KCNQ5: variants seen among roughly 807,000 people sequenced by gnomAD.
KCNQ5 encodes the protein potassium voltage-gated channel subfamily Q member 5.
A neutral mutation model predicts 98.2 loss-of-function variants in KCNQ5; 30 were observed. The ratio of observed to expected loss-of-function variants is 0.31; its 90% CI spans 0.23 to 0.41. KCNQ5 has a LOEUF of 0.41. Ranked by LOEUF, KCNQ5 falls within the 10% of genes least tolerant of loss-of-function variation. The probability of loss-of-function intolerance (pLI) is 1.00; values close to 1 mark genes in which losing one functional copy is unlikely to be tolerated. For synonymous variants in KCNQ5, 458 were observed against 449.4 expected, an observed-to-expected ratio of 1.02 and a Z score of -0.24; for missense variants, 835 against 1,182.5, an observed-to-expected ratio of 0.71 and a Z score of 4.31.
At chr6:72,722,260 C>T (rs1462089106) in intron 1 of KCNQ5, among the ~76,000 whole-genome samples, 2 of 152,196 alleles carry the variant, frequency 1.3e-5, no homozygotes, top group African/African-American at 4.8e-5. Flanking sequence ...CCCTTTGCTC[C>T]ACTCTGTCCA....
intron 1 of KCNQ5, among the ~76,000 whole-genome samples, chr6:72,811,817 G>T (rs1192923253): frequency 6.6e-6 from 1 of 152,194 alleles, no homozygotes; most frequent in East Asian, 1.9e-4. Context: ...AGAGTAAAGG[G>T]AATGCAAGTT....
chr6:72,905,942 A>G (rs2150199637), intron 1 of KCNQ5, among the ~76,000 whole-genome samples: 1 of 152,216 alleles, frequency 6.6e-6, no homozygotes, highest in East Asian at 1.9e-4. Context: ...CCAGTGGTGG[A>G]CAGGGCCGTA....
chr6:72,929,598 C>A (rs1765599742), intron 1 of KCNQ5, among the ~76,000 whole-genome samples: 1 of 151,966 alleles, frequency 6.6e-6, no homozygotes, highest in Non-Finnish European at 1.5e-5. Context: ...ACATAAAGTA[C>A]AATGGAGTAT....
intron 1 of KCNQ5, among the ~76,000 whole-genome samples, chr6:72,644,980 A>G (rs1396072665): frequency 2.0e-5 from 3 of 152,120 alleles, no homozygotes; most frequent in African/African-American, 4.8e-5. Context: ...CACTTAGAAC[A>G]TGAGTTCTCA....
At chr6:72,805,969 C>T (rs937518184) in intron 1 of KCNQ5, among the ~76,000 whole-genome samples, 6 of 151,984 alleles carry the variant, frequency 3.9e-5, no homozygotes, top group Non-Finnish European at 1.5e-5. Flanking sequence ...AGATTGTTTG[C>T]TGTTGGCATA....
intron 1 of KCNQ5, among the ~76,000 whole-genome samples, chr6:72,781,760 A>G (rs535607264): frequency 1.1e-4 from 17 of 152,350 alleles, no homozygotes; most frequent in Middle Eastern, 3.4e-3. Flanking sequence ...GTATTATATA[A>G]AAGTACTCAA....
chr6:72,987,075 G>A (rs1768815518), intron 1 of KCNQ5: 1 of 698,268 alleles, frequency 1.4e-6, no homozygotes. Context: ...CCCTAGGAAA[G>A]GAAGTAAAAC....
chr6:73,130,383 A>C (rs1404169156), intron 9 of KCNQ5, among the ~76,000 whole-genome samples: 1 of 152,188 alleles, frequency 6.6e-6, no homozygotes, highest in African/African-American at 2.4e-5. Flanking sequence ...TCTCTCTTGC[A>C]GGGTGACAGT....
Position 73,068,918 on chromosome 6 carries a change from G to A in KCNQ5, c.617-8404G>A, listed in dbSNP as rs1447199425. 2.6e-5 allele frequency among the ~76,000 whole-genome samples: 4 copies of A among 152,212 alleles called. No homozygotes were observed. The East Asian group carries it at 7.7e-4, about 29-fold the overall frequency. On this transcript the variant is annotated intron_variant, in intron 3 of 13. Coordinates refer to ENST00000370398, the MANE Select transcript of KCNQ5 (RefSeq NM_019842.4). ...AGTTATTCACATTGTTAATGGTTTTGTCAAATAATGTCAAATTGCTCCCCC... is the reference window on the plus strand; with the variant it reads ...AGTTATTCACATTGTTAATGGTTTTATCAAATAATGTCAAATTGCTCCCCC...
chr6:72,914,422 G>T (rs1412941392), intron 1 of KCNQ5, among the ~76,000 whole-genome samples: 1 of 151,236 alleles, frequency 6.6e-6, no homozygotes, highest in Non-Finnish European at 1.5e-5. Context: ...CCAGAAGGGA[G>T]TACTTTAGGG....
intron 1 of KCNQ5, among the ~76,000 whole-genome samples, chr6:72,637,969 T>G (rs1264265972): frequency 1.3e-5 from 2 of 152,208 alleles, no homozygotes; most frequent in Non-Finnish European, 2.9e-5. Flanking sequence ...TTCAGATCCA[T>G]CAAGGAATAA....
intron 1 of KCNQ5, among the ~76,000 whole-genome samples, chr6:72,887,236 C>A (rs1037485120): frequency 1.3e-5 from 2 of 152,064 alleles, no homozygotes; most frequent in African/African-American, 4.8e-5. Context: ...GCTGGGAAGG[C>A]CTCACAATCA....
At chr6:72,914,948 G>T (rs2150209903) in intron 1 of KCNQ5, among the ~76,000 whole-genome samples, 1 of 152,228 alleles carries the variant, frequency 6.6e-6, no homozygotes, top group South Asian at 2.1e-4. Flanking sequence ...ACTTCTGGCT[G>T]TCTGGCTCTC....
At chr6:72,705,216 T>G (rs1278609758) in intron 1 of KCNQ5, among the ~76,000 whole-genome samples, 2 of 152,202 alleles carry the variant, frequency 1.3e-5, no homozygotes, top group Non-Finnish European at 2.9e-5. Flanking sequence ...TTCACTTCAG[T>G]CTATATAGTC....
chr6:73,140,601 T>C (rs2796044), intron 10 of KCNQ5, among the ~76,000 whole-genome samples: 28,884 of 152,138 alleles, frequency 0.19, 4,377 homozygotes, highest in African/African-American at 0.41. Flanking sequence ...TGTAACAAAA[T>C]CTGAGGGTTT....
intron 5 of KCNQ5, among the ~76,000 whole-genome samples, chr6:73,095,054 C>T (rs974674094): frequency 9.9e-5 from 15 of 152,174 alleles, no homozygotes; most frequent in African/African-American, 3.6e-4. Context: ...CTCAAGAACA[C>T]TGATTATTCT....
chr6:73,139,125 G>A (rs1009032285), intron 10 of KCNQ5, among the ~76,000 whole-genome samples: 1 of 152,178 alleles, frequency 6.6e-6, no homozygotes, highest in Non-Finnish European at 1.5e-5. Flanking sequence ...AATGGCTACA[G>A]CAGTTGCAAT....
At chr6:72,856,977 A>G (rs1777560632) in intron 1 of KCNQ5, among the ~76,000 whole-genome samples, 1 of 152,202 alleles carries the variant, frequency 6.6e-6, no homozygotes, top group Non-Finnish European at 1.5e-5. Flanking sequence ...AAAGAAGTAC[A>G]TATCAGGCCC....
At chr6:72,741,556 T>G (rs1427786321) in intron 1 of KCNQ5, among the ~76,000 whole-genome samples, 1 of 152,174 alleles carries the variant, frequency 6.6e-6, no homozygotes, top group South Asian at 2.1e-4. Context: ...AAAATTTGCA[T>G]TTCAAACAAG....
Sources: gnomAD v4.1 joint callset for allele counts (sites outside exome capture counted in the v4.1 genomes callset) on GRCh38, gnomAD v4.1.1 for gene constraint, MANE v1.5 for transcripts, NCBI Gene and HGNC (gene_info 2026-07-23, HGNC 2026-07-21) for gene names.